The following MORC1 variants were observed in gnomAD, a reference collection of about 807,000 sequenced individuals.
MORC1 encodes MORC family CW-type zinc finger protein 1.
Under a neutral mutation model 134.9 loss-of-function variants are expected in MORC1, and 59 were observed. That is an observed-to-expected ratio of 0.44 (90% CI 0.35 to 0.54). The LOEUF (loss-of-function observed/expected upper bound fraction) is 0.54, where lower values mean the gene tolerates loss of function less well. Ranked by LOEUF, MORC1 falls within the 20% of genes least tolerant of loss-of-function variation. MORC1 has a pLI of 0.00. For missense variants in MORC1, 947 were observed against 1,134.5 expected (o/e 0.83, Z 2.37); for synonymous variants, 395 against 391.7 (o/e 1.01, Z -0.10).
intron 8 of MORC1, among the ~76,000 whole-genome samples, chr3:109,073,235 T>C (rs1950355295): frequency 1.3e-5 from 2 of 152,216 alleles, no homozygotes; most frequent in African/African-American, 4.8e-5. Context: ...CCATGCATCA[T>C]GGGTGGATCA....
intron 10 of MORC1, among the ~76,000 whole-genome samples, chr3:109,062,692 G>A (rs765571431): frequency 1.6e-4 from 24 of 152,192 alleles, no homozygotes; most frequent in African/African-American, 5.5e-4. Context: ...TTCTTAAAGC[G>A]GATGCAGTGC....
intron 14 of MORC1, among the ~76,000 whole-genome samples, chr3:109,040,121 C>A (rs542299783): frequency 1.2e-4 from 18 of 151,540 alleles, no homozygotes; most frequent in Admixed American, 2.0e-4. Flanking sequence ...CAACAAAAAA[C>A]AGTAAGTCTT....
At chr3:109,020,918 GAAC>G (rs1163136859) in intron 17 of MORC1, among the ~76,000 whole-genome samples, 2 of 152,134 alleles carry the variant, frequency 1.3e-5, no homozygotes, top group African/African-American at 4.8e-5. Context: ...TTCAAAATCA[GAAC>G]AACAGTCATG....
chr3:108,961,066 C>T (rs1431898107), intron 27 of MORC1, among the ~76,000 whole-genome samples: 1 of 152,188 alleles, frequency 6.6e-6, no homozygotes, highest in African/African-American at 2.4e-5. Flanking sequence ...GCTGACTGAT[C>T]TAAATCTCAT....
Position 109,069,545 on chromosome 3 carries a change from T to A in MORC1, c.815+87A>T, listed in dbSNP as rs1182619717. 5.4e-6 allele frequency: 7 copies of A among 1,295,094 alleles called. No individual in the cohort carries two copies. The East Asian group carries it at 1.5e-4, about 27-fold the overall frequency. 80.2% of individuals were successfully genotyped at this position (1,295,094 alleles called of 1,614,324 possible). ...CAATGTAAAAATCTTACTATCAAAG[T>A]CAATGTCCTCACTTTGACAACTTTG... On this transcript the variant is annotated intron_variant, in intron 9 of 27. Coordinates refer to ENST00000232603, the MANE Select transcript of MORC1 (RefSeq NM_014429.4).
intron 21 of MORC1, among the ~76,000 whole-genome samples, chr3:108,993,136 TCCATAACATA>T (rs1373948058): frequency 6.6e-6 from 1 of 152,204 alleles, no homozygotes; most frequent in African/African-American, 2.4e-5. Flanking sequence ...CTGTATCCTT[TCCATAACATA>T]ATACTACCTC....
At chr3:109,065,311 C>T (rs928780215) in intron 9 of MORC1, among the ~76,000 whole-genome samples, 2 of 152,286 alleles carry the variant, frequency 1.3e-5, no homozygotes, top group South Asian at 2.1e-4. Flanking sequence ...GCCCAATCTA[C>T]TTCGATCTGT....
In MORC1 at chr3:109,104,373, A is replaced by T. The variant is rs118110387; in HGVS notation, c.155-456T>A. 6.8e-4 allele frequency among the ~76,000 whole-genome samples: 104 copies of T among 152,306 alleles called. No individual in the cohort carries two copies. The East Asian group carries it at 0.019, about 28-fold the overall frequency. ...CCATCAGGCTCCCTTCTAAGTAGTT[A>T]ATTCTCATAAGAGCCATTTGTGAGT... On this transcript the variant is annotated intron_variant, in intron 3 of 27. Coordinates refer to ENST00000232603, the MANE Select transcript of MORC1 (RefSeq NM_014429.4).
chr3:109,044,334 G>A (rs1024909816), intron 14 of MORC1, among the ~76,000 whole-genome samples: 40 of 151,038 alleles, frequency 2.6e-4, no homozygotes, highest in Admixed American at 2.2e-3. Flanking sequence ...TGAGGCGGGC[G>A]GATCGCGAGG....
intron 24 of MORC1, among the ~76,000 whole-genome samples, chr3:108,972,058 T>C (rs1202658076): frequency 6.6e-6 from 1 of 152,142 alleles, no homozygotes; most frequent in East Asian, 1.9e-4. Context: ...TCCAGAGTAA[T>C]TTTTGCATAA....
chr3:109,040,651 G>A (rs1225483684), intron 14 of MORC1, among the ~76,000 whole-genome samples: 1 of 151,632 alleles, frequency 6.6e-6, no homozygotes, highest in African/African-American at 2.4e-5. Flanking sequence ...TCAACATGGT[G>A]AAACCCCATC....
At position 109,100,435 on chromosome 3, in the gene MORC1, T is replaced by C; in HGVS notation, c.296A>G (p.Tyr99Cys). ...TTCTCACCTTTTAAGACCATTGCCG[T>C]ATTGCCCTATGAACTTCAAGGTTGA... Reference protein sequence around the residue: ...RLSTLKFIGQYGNGLKSGSMR... With the variant: ...RLSTLKFIGQCGNGLKSGSMR... Residue 99 changes from tyrosine to cysteine, a missense_variant, in exon 5 of 28, where the codon TAC becomes TGC. Transcript: ENST00000232603. The C allele has an allele frequency of 6.2e-7, 1 of 1,612,856 alleles. No homozygotes were observed. The highest frequency in any genetic ancestry group is 8.5e-7 in the Non-Finnish European group (1 of 1,178,870).
At chr3:109,007,187 G>T in intron 17 of MORC1, 96 bp from the exon 18 acceptor site, 1 of 906,978 alleles carries the variant, frequency 1.1e-6, no homozygotes, top group Non-Finnish European at 1.7e-6. Context: ...TCTTAAAGAA[G>T]GGTCAAGATA....
chr3:109,104,759 A>C (rs1292543078), intron 3 of MORC1, among the ~76,000 whole-genome samples: 1 of 152,168 alleles, frequency 6.6e-6, no homozygotes, highest in African/African-American at 2.4e-5. Flanking sequence ...CAGTAGTTGG[A>C]CATAGGAGTT....
At chr3:109,010,657 C>T (rs1056340532) in intron 17 of MORC1, among the ~76,000 whole-genome samples, 1 of 152,160 alleles carries the variant, frequency 6.6e-6, no homozygotes, top group African/African-American at 2.4e-5. Context: ...TGTCTCCCCA[C>T]CACCTCTTCC....
chr3:108,967,364 TTCAAA>T (rs1351069956), intron 26 of MORC1, among the ~76,000 whole-genome samples: 2 of 152,148 alleles, frequency 1.3e-5, no homozygotes, highest in Non-Finnish European at 1.5e-5. Flanking sequence ...TTACAGTGCA[TTCAAA>T]TCAGAGTCCC....
intron 8 of MORC1, among the ~76,000 whole-genome samples, chr3:109,081,391 T>C (rs1950516457): frequency 6.6e-6 from 1 of 151,220 alleles, no homozygotes; most frequent in Admixed American, 6.6e-5. Flanking sequence ...AATATCAGGA[T>C]GGGAAAGTTT....
intron 16 of MORC1, among the ~76,000 whole-genome samples, chr3:109,032,304 A>C (rs1949258782): frequency 6.6e-6 from 1 of 152,178 alleles, no homozygotes; most frequent in South Asian, 2.1e-4. Context: ...TTCCTCCAAG[A>C]GTGTAAAGCA....
At position 109,054,394 on chromosome 3, in the gene MORC1, T is replaced by G. The variant is rs1196169260; in HGVS notation, c.1330+334A>C. 2.6e-5 allele frequency among the ~76,000 whole-genome samples: 4 copies of G among 152,206 alleles called. No homozygotes were observed. The East Asian group carries it at 7.7e-4, about 29-fold the overall frequency. On this transcript the variant is annotated intron_variant, in intron 14 of 27. Transcript: ENST00000232603. ...CTACTAAGGTCTGCATGGGACTATG[T>G]GCTCTCACACAGTGGAGTCCCAGTG...
Sources: gnomAD v4.1 joint callset for allele counts (sites outside exome capture counted in the v4.1 genomes callset) on GRCh38, gnomAD v4.1.1 for gene constraint, MANE v1.5 for transcripts, NCBI Gene and HGNC (gene_info 2026-07-23, HGNC 2026-07-21) for gene names.